ZNF521: variants seen among roughly 807,000 people sequenced by gnomAD.
ZNF521 encodes the protein zinc finger protein 521.
In ZNF521, 14 loss-of-function variants were observed where a neutral mutation model predicts 105.5. The ratio of observed to expected loss-of-function variants is 0.13; its 90% CI spans 0.09 to 0.21. The LOEUF (loss-of-function observed/expected upper bound fraction) is 0.21. Among genes scored for constraint, ZNF521 ranks in the 10% least tolerant of loss-of-function variants. The pLI is 1.00. For missense variants in ZNF521, 1,233 were observed against 1,629.7 expected, an observed-to-expected ratio of 0.76 and a Z score of 4.19; for synonymous variants, 635 against 606.0, an observed-to-expected ratio of 1.05 and a Z score of -0.70.
chr18:25,240,732 TA>T (rs2144796362), intron 3 of ZNF521, among the ~76,000 whole-genome samples: 1 of 152,004 alleles, frequency 6.6e-6, no homozygotes, highest in African/African-American at 2.4e-5. Context: ...TCAGGCCAAT[TA>T]AATCAGACTC....
intron 5 of ZNF521, among the ~76,000 whole-genome samples, chr18:25,116,229 A>G (rs2034298962): frequency 6.6e-6 from 1 of 152,072 alleles, no homozygotes; most frequent in African/African-American, 2.4e-5. Context: ...ATCAGGGGCA[A>G]TCTGAACTGC....
intron 2 of ZNF521, among the ~76,000 whole-genome samples, chr18:25,342,711 AGCCACCGCGCCTG>A (rs1914277207): frequency 6.6e-6 from 1 of 152,152 alleles, no homozygotes; most frequent in Non-Finnish European, 1.5e-5. Flanking sequence ...TACAGGCGTG[AGCCACCGCGCCTG>A]GCCTTCTTTT....
chr18:25,076,290 T>C (rs1304589677), intron 7 of ZNF521, among the ~76,000 whole-genome samples: 1 of 152,218 alleles, frequency 6.6e-6, no homozygotes, highest in African/African-American at 2.4e-5. Context: ...TTTATCCCAG[T>C]TGTTTTTCAG....
intron 1 of ZNF521, 82 bp downstream of exon 1, chr18:25,351,899 GCAGCGGCGGCGGCAGCGGCGGCGA>G: frequency 3.6e-6 from 1 of 281,158 alleles, no homozygotes; most frequent in Non-Finnish European, 7.2e-6. Flanking sequence ...AGCAGCGGCG[GCAGCGGCGGCGGCAGCGGCGGCGA>G]GAGCAGGAGG....
intron 3 of ZNF521, among the ~76,000 whole-genome samples, chr18:25,286,039 G>A (rs1483245457): frequency 1.3e-5 from 2 of 152,218 alleles, no homozygotes; most frequent in Non-Finnish European, 2.9e-5. Context: ...AAGTGCTGCC[G>A]TGGCAACAGG....
intron 5 of ZNF521, among the ~76,000 whole-genome samples, chr18:25,188,695 G>A (rs1486833380): frequency 1.1e-4 from 16 of 152,152 alleles, no homozygotes; most frequent in Admixed American, 1.0e-3. Context: ...CAGAAGCCCT[G>A]CCATTGTATG....
chr18:25,115,394 T>C (rs1227395246), intron 5 of ZNF521, among the ~76,000 whole-genome samples: 1 of 152,216 alleles, frequency 6.6e-6, no homozygotes, highest in Non-Finnish European at 1.5e-5. Context: ...TTGGGGGCTA[T>C]TATTAGAATT....
At chr18:25,141,737 C>A (rs2034851164) in intron 5 of ZNF521, among the ~76,000 whole-genome samples, 1 of 152,042 alleles carries the variant, frequency 6.6e-6, no homozygotes. Context: ...GCCTTTCTTG[C>A]CCTCCTGGTT....
At chr18:25,160,340 C>T (rs543977431) in intron 5 of ZNF521, among the ~76,000 whole-genome samples, 1 of 152,240 alleles carries the variant, frequency 6.6e-6, no homozygotes, top group African/African-American at 2.4e-5. Flanking sequence ...TGATGCTTCT[C>T]TGTCCCTCTT....
chr18:25,085,227 GTATA>G (rs201952893), intron 7 of ZNF521, among the ~76,000 whole-genome samples: 2 of 148,406 alleles, frequency 1.3e-5, no homozygotes, highest in African/African-American at 4.9e-5. Context: ...ATTTTTATGT[GTATA>G]TATATATATA....
intron 5 of ZNF521, among the ~76,000 whole-genome samples, chr18:25,135,062 G>A (rs559294008): frequency 1.3e-5 from 2 of 152,210 alleles, no homozygotes; most frequent in East Asian, 1.9e-4. Flanking sequence ...AGCAGGAAGC[G>A]TAGAAAATTA....
chr18:25,212,994 T>C (rs982347987), intron 4 of ZNF521, among the ~76,000 whole-genome samples: 1 of 151,640 alleles, frequency 6.6e-6, no homozygotes, highest in Non-Finnish European at 1.5e-5. Context: ...TATGACATTA[T>C]AATCTGTATA....
At chr18:25,257,228 A>G (rs1210987021) in intron 3 of ZNF521, among the ~76,000 whole-genome samples, 1 of 152,104 alleles carries the variant, frequency 6.6e-6, no homozygotes, top group African/African-American at 2.4e-5. Context: ...AATGATTAAA[A>G]AGATCTATTT....
At chr18:25,318,469 A>T (rs535960860) in intron 3 of ZNF521, among the ~76,000 whole-genome samples, 1 of 152,332 alleles carries the variant, frequency 6.6e-6, no homozygotes, top group South Asian at 2.1e-4. Context: ...TAAATGTGGC[A>T]CTAAAAATTA....
chr18:25,148,752 C>A (rs2034992508), intron 5 of ZNF521, among the ~76,000 whole-genome samples: 1 of 152,048 alleles, frequency 6.6e-6, no homozygotes, highest in African/African-American at 2.4e-5. Flanking sequence ...AAAAAAAAGT[C>A]TTTTCACTTG....
chr18:25,117,769 C>T (rs1268819042), intron 5 of ZNF521, among the ~76,000 whole-genome samples: 1 of 151,836 alleles, frequency 6.6e-6, no homozygotes, highest in Non-Finnish European at 1.5e-5. Context: ...AGGATAATAT[C>T]AACACATGGG....
chr18:25,323,515 C>T (rs1913046666), intron 2 of ZNF521, among the ~76,000 whole-genome samples: 1 of 152,060 alleles, frequency 6.6e-6, no homozygotes, highest in Non-Finnish European at 1.5e-5. Flanking sequence ...TATCATAGCT[C>T]ACTGCAGCCT....
chr18:25,173,461 G>A (rs1318438424), intron 5 of ZNF521, among the ~76,000 whole-genome samples: 1 of 152,132 alleles, frequency 6.6e-6, no homozygotes, highest in East Asian at 1.9e-4. Flanking sequence ...CTGCTTTCTG[G>A]TAAGGAGTGA....
At chr18:25,327,424 C>T (rs1913284404) in intron 2 of ZNF521, 12 of 1,162,366 alleles carry the variant, frequency 1.0e-5, no homozygotes, top group African/African-American at 3.2e-5. Flanking sequence ...TTCTAGGTTT[C>T]GTGACATATT....
Sources: gnomAD v4.1 joint callset for allele counts (sites outside exome capture counted in the v4.1 genomes callset) on GRCh38, gnomAD v4.1.1 for gene constraint, MANE v1.5 for transcripts, NCBI Gene and HGNC (gene_info 2026-07-23, HGNC 2026-07-21) for gene names.